The following OXR1 variants were observed in gnomAD, a reference collection of about 807,000 sequenced individuals.
OXR1 encodes oxidation resistance protein 1.
In OXR1, 41 loss-of-function variants were observed where a neutral mutation model predicts 104.6. That is an observed-to-expected ratio of 0.39 (90% confidence interval 0.31 to 0.51). The LOEUF (loss-of-function observed/expected upper bound fraction) is 0.51, where lower values mean the gene tolerates loss of function less well. OXR1 is among the 20% of genes least tolerant of loss of function. The pLI, the probability that OXR1 is intolerant of heterozygous loss-of-function variation, is 0.77. For synonymous variants in OXR1, 348 were observed against 348.4 expected, an observed-to-expected ratio of 1.00 and a Z score of 0.01; for missense variants, 955 against 1,031.9, an observed-to-expected ratio of 0.93 and a Z score of 1.02.
At chr8:106,496,401 C>G (rs189581064) in intron 2 of OXR1, among the ~76,000 whole-genome samples, 2 of 152,286 alleles carry the variant, frequency 1.3e-5, no homozygotes, top group African/African-American at 4.8e-5. Flanking sequence ...AAAACAGCCT[C>G]AAATCTCAGT....
At chr8:106,436,770 T>C (rs1819590163) in intron 2 of OXR1, among the ~76,000 whole-genome samples, 1 of 152,126 alleles carries the variant, frequency 6.6e-6, no homozygotes, top group Non-Finnish European at 1.5e-5. Flanking sequence ...AGCTACAGGC[T>C]CACATCCTCT....
chr8:106,467,889 C>T (rs998732897), intron 2 of OXR1, among the ~76,000 whole-genome samples: 2 of 151,774 alleles, frequency 1.3e-5, no homozygotes, highest in African/African-American at 4.8e-5. Flanking sequence ...AAGATAGTAA[C>T]GTTTTGCTAA....
At chr8:106,674,342 A>G (rs1827349690) in intron 3 of OXR1, among the ~76,000 whole-genome samples, 1 of 152,178 alleles carries the variant, frequency 6.6e-6, no homozygotes, top group African/African-American at 2.4e-5. Context: ...CTTGCGTGGG[A>G]CCTGTAGTCC....
chr8:106,395,463 G>A (rs1273400747), intron 2 of OXR1, among the ~76,000 whole-genome samples: 3 of 152,064 alleles, frequency 2.0e-5, no homozygotes, highest in Admixed American at 6.6e-5. Flanking sequence ...GTAGCAAAGC[G>A]GAAACCCCAG....
chr8:106,550,300 A>G (rs1266174588), intron 3 of OXR1, among the ~76,000 whole-genome samples: 1 of 152,224 alleles, frequency 6.6e-6, no homozygotes, highest in Non-Finnish European at 1.5e-5. Context: ...TAGACAAAGA[A>G]GAGCAAGGGC....
intron 2 of OXR1, among the ~76,000 whole-genome samples, chr8:106,373,749 C>G (rs982817748): frequency 1.3e-5 from 2 of 152,204 alleles, no homozygotes; most frequent in African/African-American, 4.8e-5. Flanking sequence ...GCCATCACAC[C>G]TGGCTAGTTT....
chr8:106,676,196 A>G (rs1326937991), intron 3 of OXR1, among the ~76,000 whole-genome samples: 2 of 151,802 alleles, frequency 1.3e-5, no homozygotes, highest in East Asian at 1.9e-4. Flanking sequence ...TTTTGAGCCT[A>G]TGTCTGTCAT....
At chr8:106,528,136 C>T (rs948731984) in intron 3 of OXR1, among the ~76,000 whole-genome samples, 5 of 152,002 alleles carry the variant, frequency 3.3e-5, no homozygotes, top group Non-Finnish European at 7.4e-5. Context: ...TCTGCTCTTT[C>T]TTCCACCCTG....
chr8:106,499,626 C>T (rs544560170), intron 2 of OXR1, among the ~76,000 whole-genome samples: 2 of 152,316 alleles, frequency 1.3e-5, no homozygotes, highest in South Asian at 2.1e-4. Context: ...CATTAATCAA[C>T]TCAGTGCATG....
intron 2 of OXR1, among the ~76,000 whole-genome samples, chr8:106,461,551 T>A (rs1390142051): frequency 1.3e-5 from 2 of 151,832 alleles, no homozygotes; most frequent in Non-Finnish European, 2.9e-5. Context: ...GGCAATAGAG[T>A]GAGACTGTCT....
chr8:106,616,218 ATTTTTTTTTTTTT>A (rs372788802), intron 3 of OXR1, among the ~76,000 whole-genome samples: 1 of 96,036 alleles, frequency 1.0e-5, no homozygotes, highest in Non-Finnish European at 2.0e-5. Flanking sequence ...ATTTTTTGGA[ATTTTTTTTTTTTT>A]TTTTTTTTTT....
At chr8:106,288,907 G>A (rs894762453) in intron 1 of OXR1, among the ~76,000 whole-genome samples, 1 of 151,734 alleles carries the variant, frequency 6.6e-6, no homozygotes. Flanking sequence ...CAAGTATGTC[G>A]ATTGTGCACT....
At chr8:106,455,009 C>A (rs1312515345) in intron 2 of OXR1, among the ~76,000 whole-genome samples, 1 of 152,128 alleles carries the variant, frequency 6.6e-6, no homozygotes, top group Non-Finnish European at 1.5e-5. Context: ...TTTGTCTGTA[C>A]CCTTGCTGCT....
intron 2 of OXR1, among the ~76,000 whole-genome samples, chr8:106,407,127 C>T (rs1032611505): frequency 6.6e-6 from 1 of 152,076 alleles, no homozygotes; most frequent in Non-Finnish European, 1.5e-5. Context: ...AAATGTTTCC[C>T]TCTCTTTTTT....
intron 2 of OXR1, among the ~76,000 whole-genome samples, chr8:106,479,363 A>T (rs77706088): frequency 2.0e-5 from 3 of 152,008 alleles, no homozygotes; most frequent in Non-Finnish European, 2.9e-5. Flanking sequence ...CTTTCATTCA[A>T]TTCCCATTAA....
chr8:106,702,172 T>C (rs1368955945), intron 7 of OXR1, among the ~76,000 whole-genome samples: 5 of 152,178 alleles, frequency 3.3e-5, no homozygotes, highest in African/African-American at 1.2e-4. Context: ...TTTCACCATG[T>C]TGGCCAGGAA....
intron 11 of OXR1, among the ~76,000 whole-genome samples, chr8:106,714,583 TA>T (rs1832051024): frequency 6.6e-6 from 1 of 152,120 alleles, no homozygotes; most frequent in African/African-American, 2.4e-5. Context: ...AAAGTTATAC[TA>T]ACAAACTTTT....
intron 2 of OXR1, among the ~76,000 whole-genome samples, chr8:106,410,468 G>C (rs1375943778): frequency 1.3e-5 from 2 of 152,114 alleles, no homozygotes; most frequent in Non-Finnish European, 2.9e-5. Context: ...CAGTAAACCA[G>C]TTCATTAGTA....
chr8:106,456,317 A>T (rs989420926), intron 2 of OXR1, among the ~76,000 whole-genome samples: 32 of 152,152 alleles, frequency 2.1e-4, no homozygotes, highest in African/African-American at 7.7e-4. Context: ...TGACCGTCTC[A>T]TAGTGTTGTT....
Sources: gnomAD v4.1 joint callset for allele counts (sites outside exome capture counted in the v4.1 genomes callset) on GRCh38, gnomAD v4.1.1 for gene constraint, MANE v1.5 for transcripts, NCBI Gene and HGNC (gene_info 2026-07-23, HGNC 2026-07-21) for gene names.